The following BCL2L1 variants were observed in gnomAD, a reference collection of about 807,000 sequenced individuals.
BCL2L1 encodes the protein BCL2 like 1.
A neutral mutation model predicts 18.7 loss-of-function variants in BCL2L1; 1 was observed. The observed-to-expected ratio is 0.05, with a 90% CI of 0.02 to 0.25. BCL2L1 has a LOEUF of 0.25. BCL2L1 is among the 10% of genes least tolerant of loss of function. BCL2L1 has a pLI of 1.00. For missense variants in BCL2L1, 207 were observed against 304.9 expected (o/e 0.68, Z 2.39); for synonymous variants, 103 against 122.7 (o/e 0.84, Z 1.06).
rs747807022 is a variant in BCL2L1, at chr20:31,721,986, C to T, written c.233G>A (p.Arg78Gln). 5 of 1,614,102 alleles carry T rather than the reference C, an allele frequency of 3.1e-6. No homozygotes were observed. The highest frequency in any genetic ancestry group is 4.2e-6 in the Non-Finnish European group (5 of 1,180,016). The change falls in exon 2 of 3, where the codon CGG becomes CAG. Residue 78 changes from arginine (R) to glutamine (Q), a missense_variant. Physicochemically the swap from Arg to Gln is conservative, Grantham distance 43 (BLOSUM62 1). Coordinates refer to ENST00000307677, the MANE Select transcript of BCL2L1 (RefSeq NM_138578.3). ...ATGHSSSLDA[R>Q]EVIPMAAVKQ... ...TACTGCTGCCATGGGGATCACCTCC[C>T]GGGCATCCAAACTGCTGCTGTGGCC...
chr20:31,674,687 T>C (rs2060728677), intron 2 of BCL2L1, among the ~76,000 whole-genome samples: 1 of 151,920 alleles, frequency 6.6e-6, no homozygotes, highest in Non-Finnish European at 1.5e-5. Flanking sequence ...CAGGGCAATA[T>C]GGTGGGACCC....
intron 2 of BCL2L1, among the ~76,000 whole-genome samples, chr20:31,689,014 A>G (rs1383611641): frequency 3.9e-5 from 6 of 151,906 alleles, no homozygotes. Flanking sequence ...ACCAGGATCC[A>G]TGATGAGGTT....
At chr20:31,670,738 G>A (rs10439607) in intron 2 of BCL2L1, among the ~76,000 whole-genome samples, 63,616 of 152,090 alleles carry the variant, frequency 0.42, 17,274 homozygotes, top group African/African-American at 0.77. Context: ...TTGCTTTTGC[G>A]GAGACAGCAT....
intron 2 of BCL2L1, among the ~76,000 whole-genome samples, chr20:31,685,948 T>C (rs1234543626): frequency 6.6e-6 from 1 of 152,162 alleles, no homozygotes; most frequent in East Asian, 1.9e-4. Flanking sequence ...TTTGGCATTA[T>C]TATTATGCCT....
chr20:31,696,529 T>A (rs1383381265), intron 2 of BCL2L1, among the ~76,000 whole-genome samples: 1 of 152,188 alleles, frequency 6.6e-6, no homozygotes, highest in East Asian at 1.9e-4. Flanking sequence ...TACTTCTAGG[T>A]GACTGTCCTT....
At chr20:31,721,450 A>G in intron 2 of BCL2L1, 1 of 595,558 alleles carries the variant, frequency 1.7e-6, no homozygotes. Context: ...ACCAGGGTGA[A>G]AGATGCCTGA....
chr20:31,693,267 A>G (rs1326336652), intron 2 of BCL2L1, among the ~76,000 whole-genome samples: 1 of 151,348 alleles, frequency 6.6e-6, no homozygotes, highest in Non-Finnish European at 1.5e-5. Flanking sequence ...CAGGAGTTCT[A>G]GACCAGCCCA....
intron 2 of BCL2L1, chr20:31,713,172 G>A (rs1338380419): frequency 1.2e-6 from 1 of 809,176 alleles, no homozygotes; most frequent in Non-Finnish European, 1.5e-6. Context: ...GCTAATGCGT[G>A]ATGGAGCCAA....
intron 2 of BCL2L1, among the ~76,000 whole-genome samples, chr20:31,711,552 C>T (rs115579148): frequency 6.6e-4 from 100 of 152,318 alleles, no homozygotes; most frequent in African/African-American, 2.4e-3. Context: ...ACAATATCCA[C>T]AGTATCACTA....
At chr20:31,723,315 G>C, upstream of BCL2L1, 1 of 985,792 alleles carries the variant, frequency 1.0e-6, no homozygotes, top group Non-Finnish European at 1.2e-6. Flanking sequence ...CCTGCACAAA[G>C]ACTGGGTGAG....
intron 2 of BCL2L1, among the ~76,000 whole-genome samples, chr20:31,693,207 C>A (rs2061112174): frequency 6.7e-6 from 1 of 148,774 alleles, no homozygotes; most frequent in Non-Finnish European, 1.5e-5. Flanking sequence ...GTGGCTCACA[C>A]CTGTAATCCC....
At chr20:31,690,276 A>G (rs1387922646) in intron 2 of BCL2L1, among the ~76,000 whole-genome samples, 3 of 151,662 alleles carry the variant, frequency 2.0e-5, no homozygotes, top group African/African-American at 7.3e-5. Context: ...TTTTTGAGAG[A>G]CACAGGGTCT....
rs149669584 is a variant in BCL2L1 at position 31,721,225 on chromosome 20, G to T, written c.564+430C>A. ...GGATAGGACTGAGACCCCTTGGGGG[G>T]AACAGATGGAGAGGTCTGTGGGTCA... On this transcript the variant is annotated intron_variant, in intron 2 of 2. Transcript: ENST00000307677. 2.2e-3 allele frequency among the ~76,000 whole-genome samples: 336 copies of T among 152,326 alleles called. 2 individuals are homozygous for T. Among genetic ancestry groups the T allele is most frequent in the Non-Finnish European group, 2.6e-3 (177 of 68,030 alleles).
rs1216554681 is a variant in BCL2L1, at chr20:31,665,924, G to C, written c.*25C>G. 6.2e-7 allele frequency: 1 copy of C among 1,610,626 alleles called. No individual in the cohort carries two copies. Among genetic ancestry groups the C allele is most frequent in the Non-Finnish European group, 8.5e-7 (1 of 1,178,726 alleles). ...GGTGGAGCAGAGAAGGGGGTGGGAG[G>C]GTAGAGTGGATGGTCAGTGTCTGGT... On this transcript the variant is annotated 3_prime_UTR_variant, in exon 3 of 3. Transcript: ENST00000307677.
At chr20:31,706,608 G>A (rs2061372364) in intron 2 of BCL2L1, among the ~76,000 whole-genome samples, 1 of 152,208 alleles carries the variant, frequency 6.6e-6, no homozygotes, top group Non-Finnish European at 1.5e-5. Context: ...CCTCTGAAAT[G>A]AGTATTACTT....
chr20:31,709,592 G>A (rs972929085), intron 2 of BCL2L1, among the ~76,000 whole-genome samples: 10 of 151,982 alleles, frequency 6.6e-5, no homozygotes, highest in African/African-American at 2.4e-4. Context: ...CCAGTGCTTT[G>A]GGAGGCTGAG....
chr20:31,713,633 G>T, intron 2 of BCL2L1: 1 of 967,730 alleles, frequency 1.0e-6, no homozygotes, highest in Non-Finnish European at 1.2e-6. Context: ...ATAGCAGACG[G>T]TCCCAAAGGC....
chr20:31,679,204 G>T (rs2060814722), intron 2 of BCL2L1, among the ~76,000 whole-genome samples: 1 of 152,182 alleles, frequency 6.6e-6, no homozygotes, highest in Non-Finnish European at 1.5e-5. Flanking sequence ...TACTTTGCCT[G>T]ATGTCGAGGG....
chr20:31,716,918 G>A (rs1436597121), intron 2 of BCL2L1: 1 of 152,186 alleles, frequency 6.6e-6, no homozygotes, highest in Non-Finnish European at 1.5e-5. Context: ...GGGATTGCCT[G>A]ACTCAGGTCT....
Sources: gnomAD v4.1 joint callset for allele counts (sites outside exome capture counted in the v4.1 genomes callset) on GRCh38, gnomAD v4.1.1 for gene constraint, MANE v1.5 for transcripts, NCBI Gene and HGNC (gene_info 2026-07-23, HGNC 2026-07-21) for gene names.